Variants in TENM2 observed in about 807,000 individuals in gnomAD.
TENM2 encodes teneurin-2.
Under a neutral mutation model 245.2 loss-of-function variants are expected in TENM2, and 52 were observed. That is an observed-to-expected ratio of 0.21 (90% CI 0.17 to 0.27). The LOEUF is 0.27. Ranked by LOEUF, TENM2 falls within the 10% of genes least tolerant of loss-of-function variation. The pLI is 1.00. For missense variants in TENM2, 3,046 were observed against 3,666.8 expected (o/e 0.83, Z 4.37); for synonymous variants, 1,363 against 1,438.9 (o/e 0.95, Z 1.19).
the TENM2 span, among the ~76,000 whole-genome samples, chr5:167,027,325 A>C: frequency 1.3e-5 from 2 of 152,224 alleles, no homozygotes; most frequent in African/African-American, 2.4e-5. Context: ...TTTAGGAAGG[A>C]AATGAGGTCT....
At chr5:167,716,876 C>G (rs1759295270) in intron 2 of TENM2, among the ~76,000 whole-genome samples, 1 of 146,706 alleles carries the variant, frequency 6.8e-6, no homozygotes, top group Admixed American at 6.7e-5. Context: ...AACTTTGGGT[C>G]TTTTTTTATA....
intron 12 of TENM2, chr5:168,128,963 G>GAAAAA (rs35686967): frequency 5.6e-5 from 8 of 141,982 alleles, no homozygotes; most frequent in African/African-American, 2.1e-4. Flanking sequence ...CCCGTTATGG[G>GAAAAA]AAAAAAAAAA....
chr5:167,503,567 G>T (rs1329219993), intron 2 of TENM2, among the ~76,000 whole-genome samples: 1 of 150,748 alleles, frequency 6.6e-6, no homozygotes, highest in African/African-American at 2.4e-5. Flanking sequence ...ACTCTATAAT[G>T]AATTATCTGA....
At chr5:168,071,542 T>G in intron 7 of TENM2, among the ~76,000 whole-genome samples, 1 of 152,210 alleles carries the variant, frequency 6.6e-6, no homozygotes, top group East Asian at 1.9e-4. Context: ...TAATAATAGA[T>G]GGAGGACATC....
At chr5:167,867,337 T>A (rs60261258) in intron 2 of TENM2, among the ~76,000 whole-genome samples, 1 of 152,170 alleles carries the variant, frequency 6.6e-6, no homozygotes, top group Non-Finnish European at 1.5e-5. Flanking sequence ...CAGGGAGATG[T>A]GATATATAAA....
At chr5:167,657,512 G>C (rs1754925312) in intron 2 of TENM2, among the ~76,000 whole-genome samples, 1 of 152,294 alleles carries the variant, frequency 6.6e-6, no homozygotes, top group East Asian at 1.9e-4. Context: ...TAGTGGGATT[G>C]CTGGATCATA....
At chr5:167,184,068 C>T in the TENM2 span, among the ~76,000 whole-genome samples, 1 of 152,236 alleles carries the variant, frequency 6.6e-6, no homozygotes, top group Admixed American at 6.5e-5. Flanking sequence ...AACCTATGTA[C>T]ACAAAATTCA....
chr5:167,921,501 T>C (rs1241021930), intron 3 of TENM2, among the ~76,000 whole-genome samples: 1 of 152,186 alleles, frequency 6.6e-6, no homozygotes, highest in Non-Finnish European at 1.5e-5. Context: ...TCTAGGTCCA[T>C]GTTTCTCAAA....
chr5:168,126,726 T>G, intron 11 of TENM2, 28 bp from the exon 14 acceptor site: 629 of 1,564,422 alleles, frequency 4.0e-4, no homozygotes, highest in Middle Eastern at 6.6e-4. Context: ...GCTGTGGTGT[T>G]GAGCTGTAAT....
intron 1 of TENM2, among the ~76,000 whole-genome samples, chr5:167,290,317 A>G (rs1754558326): frequency 6.6e-6 from 1 of 152,040 alleles, no homozygotes; most frequent in Non-Finnish European, 1.5e-5. Context: ...ACTGAGTCTC[A>G]TTTTCTCCAT....
intron 2 of TENM2, among the ~76,000 whole-genome samples, chr5:167,693,551 T>C (rs1396375778): frequency 6.7e-6 from 1 of 150,040 alleles, no homozygotes; most frequent in Non-Finnish European, 1.5e-5. Flanking sequence ...GAGTTGTTAC[T>C]GGAAGACTGG....
chr5:168,096,116 A>G (rs535565031), intron 8 of TENM2, among the ~76,000 whole-genome samples: 4 of 152,342 alleles, frequency 2.6e-5, no homozygotes, highest in African/African-American at 9.6e-5. Flanking sequence ...CCCTTTACTC[A>G]GGAGAGAGAC....
At chr5:168,259,876 G>A (rs891824392) in intron 27 of TENM2, among the ~76,000 whole-genome samples, 4 of 152,208 alleles carry the variant, frequency 2.6e-5, no homozygotes, top group Non-Finnish European at 5.9e-5. Flanking sequence ...CAGGCACTGC[G>A]AAAAGCCTTT....
chr5:167,331,097 A>T (rs1320994170), intron 1 of TENM2, among the ~76,000 whole-genome samples: 1 of 151,796 alleles, frequency 6.6e-6, no homozygotes, highest in East Asian at 2.0e-4. Context: ...TTAGCTGGGC[A>T]TGGTGGCACG....
At chr5:167,164,749 A>T in the TENM2 span, among the ~76,000 whole-genome samples, 1 of 152,204 alleles carries the variant, frequency 6.6e-6, no homozygotes, top group Non-Finnish European at 1.5e-5. Flanking sequence ...GATTATGTTC[A>T]TTTTATATAG....
chr5:167,431,608 A>G (rs554444654), intron 2 of TENM2, among the ~76,000 whole-genome samples: 20 of 152,026 alleles, frequency 1.3e-4, no homozygotes, highest in Non-Finnish European at 2.6e-4. Context: ...AATAGATTGC[A>G]TTCAATCTTG....
intron 25 of TENM2, among the ~76,000 whole-genome samples, chr5:168,243,323 T>C (rs1766272992): frequency 6.6e-6 from 1 of 152,226 alleles, no homozygotes; most frequent in South Asian, 2.1e-4. Flanking sequence ...TAAATAAATA[T>C]TAAATTATGT....
intron 4 of TENM2, among the ~76,000 whole-genome samples, chr5:167,981,831 A>C (rs987594664): frequency 2.6e-5 from 4 of 152,010 alleles, no homozygotes; most frequent in Non-Finnish European, 4.4e-5. Flanking sequence ...AAAATTAGGC[A>C]GGCGTGGTGG....
intron 2 of TENM2, among the ~76,000 whole-genome samples, chr5:167,849,647 G>A (rs1355609639): frequency 6.6e-6 from 1 of 152,178 alleles, no homozygotes; most frequent in African/African-American, 2.4e-5. Context: ...GTTGTGACTT[G>A]TGCTTCTAAA....
Sources: gnomAD v4.1 joint callset for allele counts (sites outside exome capture counted in the v4.1 genomes callset) on GRCh38, gnomAD v4.1.1 for gene constraint, MANE v1.5 for transcripts, NCBI Gene and HGNC (gene_info 2026-07-23, HGNC 2026-07-21) for gene names.